The following MTHFS variants were observed in gnomAD, a reference collection of about 807,000 sequenced individuals.
MTHFS encodes the protein methenyltetrahydrofolate synthetase, also known as 5-formyltetrahydrofolate cyclo-ligase.
In MTHFS, 7 loss-of-function variants were observed where a neutral mutation model predicts 12.7. The observed-to-expected ratio is 0.55, with a 90% CI of 0.31 to 1.03. The LOEUF (loss-of-function observed/expected upper bound fraction) is 1.03. MTHFS is among the 50% of genes least tolerant of loss of function. MTHFS has a pLI of 0.05. For synonymous variants in MTHFS, 100 were observed against 97.1 expected (o/e 1.03, Z -0.18); for missense variants, 252 against 258.1 (o/e 0.98, Z 0.16).
intron 2 of MTHFS, among the ~76,000 whole-genome samples, chr15:79,869,287 T>C (rs1413379100): frequency 6.6e-6 from 1 of 152,218 alleles, no homozygotes; most frequent in Non-Finnish European, 1.5e-5. Context: ...AGGACCAGTC[T>C]GAAGAATCAG....
intron 2 of MTHFS, among the ~76,000 whole-genome samples, chr15:79,883,351 G>A (rs1370603866): frequency 3.3e-5 from 5 of 152,086 alleles, no homozygotes; most frequent in East Asian, 1.9e-4. Context: ...ATACAGGCAC[G>A]CTTTGAATTC....
In MTHFS at chr15:79,864,543, T is replaced by TCAA. The variant is rs1566990929; in HGVS notation, c.380-19104_380-19102dup. Among the ~76,000 whole-genome samples, 14 of 40,968 alleles carry TCAA rather than the reference T, an allele frequency of 3.4e-4. No individual in the cohort carries two copies. In the East Asian group the frequency reaches 5.9e-3, roughly 17 times the overall value. 26.9% of individuals were successfully genotyped at this position (40,968 alleles called of 152,430 possible). A position where few individuals can be genotyped will look rare whatever the true frequency, so the allele number is the denominator to read the frequency against. On this transcript the variant is annotated intron_variant, in intron 2 of 2. Coordinates refer to ENST00000258874, the MANE Select transcript of MTHFS (RefSeq NM_006441.4). ...TTGGGCAACAAAGTGAGACTCCATC[T>TCAA]CAACAAAAAAAAAAAAAAAAAAAAA... is the stretch of plus-strand genomic sequence containing the variant.
rs1305035329 is a variant in MTHFS at position 79,844,113 on chromosome 15, A to G, written c.*1097T>C. ...AGGGGCTTTGTATACAACAGAAGCC[A>G]TCTGTTTGCTACCCAAGAGGCTCTG... is the stretch of plus-strand genomic sequence containing the variant. On this transcript the variant is annotated 3_prime_UTR_variant, in exon 3 of 3. Coordinates refer to ENST00000258874, the MANE Select transcript of MTHFS (RefSeq NM_006441.4). The G allele has an allele frequency of 1.3e-5, 2 of 152,214 alleles. No homozygotes were observed. Among genetic ancestry groups the G allele is most frequent in the Admixed American group, 6.5e-5 (1 of 15,282 alleles). 9.4% of individuals were successfully genotyped at this position (152,214 alleles called of 1,614,324 possible). A position where few individuals can be genotyped will look rare whatever the true frequency, so the allele number is the denominator to read the frequency against.
chr15:79,849,556 A>G (rs1293598392), intron 2 of MTHFS, among the ~76,000 whole-genome samples: 1 of 152,198 alleles, frequency 6.6e-6, no homozygotes, highest in African/African-American at 2.4e-5. Flanking sequence ...AGACACCTTC[A>G]CACACCACAA....
chr15:79,860,117 T>A (rs998889825), intron 2 of MTHFS, among the ~76,000 whole-genome samples: 1 of 151,860 alleles, frequency 6.6e-6, no homozygotes, highest in Non-Finnish European at 1.5e-5. Context: ...TGGCCAGGCG[T>A]GGTGGCTCAC....
chr15:79,866,660 C>G (rs566696894), intron 2 of MTHFS, among the ~76,000 whole-genome samples: 1 of 152,276 alleles, frequency 6.6e-6, no homozygotes, highest in African/African-American at 2.4e-5. Context: ...TTAAGAACTG[C>G]TAGTGATTGG....
rs533155106 is a variant in MTHFS at position 79,872,820 on chromosome 15, C to T, written c.379+16273G>A. 1.6e-4 allele frequency among the ~76,000 whole-genome samples: 24 copies of T among 152,236 alleles called. No individual in the cohort carries two copies. In the East Asian group the frequency reaches 2.5e-3, roughly 16 times the overall value. On this transcript the variant is annotated intron_variant, in intron 2 of 2. Transcript: ENST00000258874. ...TTTGTCATCGTCTGCTGGTTTCTGCCGGTTTCTCCATTTTATCCTGTCTGG... is the reference window on the plus strand; with the variant it reads ...TTTGTCATCGTCTGCTGGTTTCTGCTGGTTTCTCCATTTTATCCTGTCTGG...
chr15:79,849,452 C>T (rs1463096471), intron 2 of MTHFS, among the ~76,000 whole-genome samples: 2 of 152,150 alleles, frequency 1.3e-5, no homozygotes, highest in Non-Finnish European at 2.9e-5. Context: ...TTTTCCTCCT[C>T]AAAGGTGACA....
At chr15:79,897,017 C>T, upstream of MTHFS, 3 of 1,499,256 alleles carry the variant, frequency 2.0e-6, no homozygotes, top group Non-Finnish European at 2.7e-6. Context: ...CCAGTCCCGC[C>T]CTCGGCGCCC....
intron 2 of MTHFS, among the ~76,000 whole-genome samples, chr15:79,872,036 T>G (rs1477070843): frequency 7.8e-6 from 1 of 127,404 alleles, no homozygotes; most frequent in Non-Finnish European, 1.6e-5. Flanking sequence ...ACCCAGGAGG[T>G]GGAGGTTGCA....
At chr15:79,867,053 A>G (rs980978638) in intron 2 of MTHFS, among the ~76,000 whole-genome samples, 1 of 152,066 alleles carries the variant, frequency 6.6e-6, no homozygotes, top group East Asian at 1.9e-4. Context: ...TACACCAACA[A>G]TTTATCTTAC....
intron 2 of MTHFS, among the ~76,000 whole-genome samples, chr15:79,871,325 A>C (rs1020373838): frequency 6.6e-6 from 1 of 152,186 alleles, no homozygotes; most frequent in African/African-American, 2.4e-5. Context: ...AGAAAAGGAA[A>C]TGACAAAAAA....
chr15:79,859,213 A>G (rs1433813828), intron 2 of MTHFS, among the ~76,000 whole-genome samples: 1 of 152,252 alleles, frequency 6.6e-6, no homozygotes, highest in African/African-American at 2.4e-5. Flanking sequence ...AAAAGAAACT[A>G]ACAAAATTCT....
At chr15:79,868,720 C>T (rs1312816973) in intron 2 of MTHFS, among the ~76,000 whole-genome samples, 2 of 152,206 alleles carry the variant, frequency 1.3e-5, no homozygotes, top group Non-Finnish European at 2.9e-5. Flanking sequence ...CTAGAATTTA[C>T]ACCATAGGCT....
At chr15:79,880,803 ACAAAC>A (rs2034284891) in intron 2 of MTHFS, among the ~76,000 whole-genome samples, 1 of 148,228 alleles carries the variant, frequency 6.7e-6, no homozygotes, top group Non-Finnish European at 1.5e-5. Flanking sequence ...AAAAAAAAAA[ACAAAC>A]AAAAAACTTT....
intron 1 of MTHFS, among the ~76,000 whole-genome samples, chr15:79,890,913 CT>C (rs1373750444): frequency 3.9e-5 from 6 of 152,164 alleles, no homozygotes; most frequent in African/African-American, 9.7e-5. Flanking sequence ...GTTAAGTATC[CT>C]TTTTGCTCTC....
intron 2 of MTHFS, chr15:79,876,409 G>A (rs554627333): frequency 3.3e-5 from 5 of 151,976 alleles, no homozygotes; most frequent in South Asian, 2.1e-4. Context: ...TCAGGAGATC[G>A]AGACCATCCT....
chr15:79,861,031 A>G (rs1463462114), intron 2 of MTHFS, among the ~76,000 whole-genome samples: 1 of 152,204 alleles, frequency 6.6e-6, no homozygotes, highest in Non-Finnish European at 1.5e-5. Flanking sequence ...CCAGGACTGA[A>G]ATCACTAGTT....
intron 2 of MTHFS, among the ~76,000 whole-genome samples, chr15:79,887,178 T>G (rs1034940684): frequency 6.7e-4 from 102 of 152,180 alleles, no homozygotes; most frequent in African/African-American, 2.1e-3. Context: ...TGAGCCGAGA[T>G]AGCGCCATTG....
Sources: allele counts gnomAD v4.1 joint callset (sites outside exome capture counted in the v4.1 genomes callset), GRCh38; gene constraint gnomAD v4.1.1; transcripts MANE v1.5; gene names NCBI Gene and HGNC (gene_info 2026-07-23, HGNC 2026-07-21).